TRANK1: variants seen among roughly 807,000 people sequenced by gnomAD.
The protein encoded by TRANK1 is tetratricopeptide repeat and ankyrin repeat containing 1.
In TRANK1, 198 loss-of-function variants were observed where a neutral mutation model predicts 266.0. That is an observed-to-expected ratio of 0.74 (90% CI 0.66 to 0.84). The LOEUF is 0.84. Ranked by LOEUF, TRANK1 falls within the 40% of genes least tolerant of loss-of-function variation. TRANK1 has a pLI of 0.00. For synonymous variants in TRANK1, 1,396 were observed against 1,384.1 expected, an observed-to-expected ratio of 1.01 and a Z score of -0.19; for missense variants, 3,326 against 3,634.6, an observed-to-expected ratio of 0.92 and a Z score of 2.18.
chr3:36,858,142 A>C, intron 12 of TRANK1, 93 bp from the exon 13 acceptor site: 1 of 1,088,694 alleles, frequency 9.2e-7, no homozygotes, highest in South Asian at 1.7e-5. Context: ...AGCCAGGGGC[A>C]TCTCAGAATG....
chr3:36,852,995 G>A (rs920953243), intron 13 of TRANK1, among the ~76,000 whole-genome samples: 3 of 152,094 alleles, frequency 2.0e-5, no homozygotes, highest in African/African-American at 7.2e-5. Flanking sequence ...AGTTGAGAGA[G>A]GATTACACTA....
At chr3:36,914,935 G>A (rs1049847042) in intron 1 of TRANK1, among the ~76,000 whole-genome samples, 5 of 149,156 alleles carry the variant, frequency 3.4e-5, no homozygotes, top group Admixed American at 6.7e-5. Flanking sequence ...ACCACACCAG[G>A]CCTATTTTAT....
intron 20 of TRANK1, among the ~76,000 whole-genome samples, chr3:36,835,354 CAT>C (rs2078757563): frequency 7.9e-6 from 1 of 126,902 alleles, no homozygotes; most frequent in Non-Finnish European, 1.7e-5. Context: ...AACCCTGTAA[CAT>C]AGATAATGTT....
intron 2 of TRANK1, among the ~76,000 whole-genome samples, chr3:36,904,960 T>C (rs1332752468): frequency 1.3e-5 from 2 of 151,488 alleles, no homozygotes; most frequent in Non-Finnish European, 2.9e-5. Context: ...TACTAGGGAC[T>C]GAACTTCCCC....
chr3:36,865,024 G>GTTTTTTTTTTTTTTTTTTTTTTTTTGT (rs34540496), intron 9 of TRANK1, among the ~76,000 whole-genome samples: 1 of 119,810 alleles, frequency 8.3e-6, no homozygotes, highest in Non-Finnish European at 1.7e-5. Context: ...TGTTTTTTTG[G>GTTTTTTTTTTTTTTTTTTTTTTTTTGT]TTTTTTTTTT....
Position 36,829,560 on chromosome 3 carries a change from T to A in TRANK1, c.8809+4A>T. On this transcript the variant is annotated splice_donor_region_variant and intron_variant, in intron 23 of 23. Transcript: ENST00000645898. ...TACCTGTCCCCACAATCAAGACTCC[T>A]TACCTTCCTTCTTTAAGCGGGTCTC... 6.2e-7 allele frequency: 1 copy of A among 1,613,936 alleles called. No homozygotes were observed. The highest frequency in any genetic ancestry group is 8.5e-7 in the Non-Finnish European group (1 of 1,179,830).
At chr3:36,839,367 A>G (rs4476463) in intron 18 of TRANK1, among the ~76,000 whole-genome samples, 35,576 of 152,186 alleles carry the variant, frequency 0.23, 4,871 homozygotes, top group East Asian at 0.57. Context: ...CAAAGCACAC[A>G]ATACATGGGC....
intron 8 of TRANK1, among the ~76,000 whole-genome samples, chr3:36,875,192 A>G (rs1264419862): frequency 6.6e-6 from 1 of 152,192 alleles, no homozygotes; most frequent in Non-Finnish European, 1.5e-5. Flanking sequence ...AAAGGTCCCA[A>G]ATCAGTTTAT....
At chr3:36,938,367 C>T (rs540586415) in intron 1 of TRANK1, among the ~76,000 whole-genome samples, 4 of 152,008 alleles carry the variant, frequency 2.6e-5, no homozygotes, top group East Asian at 1.9e-4. Flanking sequence ...TACAGGCGCC[C>T]GCCACCATGC....
chr3:36,927,564 G>T (rs1274230266), intron 1 of TRANK1, among the ~76,000 whole-genome samples: 1 of 152,158 alleles, frequency 6.6e-6, no homozygotes, highest in African/African-American at 2.4e-5. Context: ...GCAAGACTTT[G>T]TCTCCTGGCA....
chr3:36,907,459 AT>A (rs1212991729), intron 2 of TRANK1, among the ~76,000 whole-genome samples: 15,371 of 104,334 alleles, frequency 0.15, 833 homozygotes, highest in East Asian at 0.42. Flanking sequence ...AAATTTATTG[AT>A]TTTTTTTTTT....
At chr3:36,898,383 A>G (rs1320494084) in intron 4 of TRANK1, among the ~76,000 whole-genome samples, 19 of 151,700 alleles carry the variant, frequency 1.3e-4, no homozygotes, top group Admixed American at 1.2e-3. Flanking sequence ...TGGGAGACAG[A>G]GGTTGCAGTG....
chr3:36,885,191 A>C (rs1182264540), intron 8 of TRANK1, among the ~76,000 whole-genome samples: 3 of 152,200 alleles, frequency 2.0e-5, no homozygotes, highest in Non-Finnish European at 4.4e-5. Flanking sequence ...AATCAAGGTT[A>C]ACAAATAATC....
chr3:36,841,735 G>A (rs1282384681), intron 18 of TRANK1, among the ~76,000 whole-genome samples: 3 of 152,096 alleles, frequency 2.0e-5, no homozygotes, highest in Non-Finnish European at 2.9e-5. Flanking sequence ...CTGAGGGAAC[G>A]GAGCACTTGG....
rs144323903 is a variant in TRANK1, at chr3:36,940,499, C to CAA, written c.23+4286_23+4287dup. ...TGGGCGACAGAGCGAGAATCTGTTT[C>CAA]AAAAAAAAAAAAAAGAAGCTGCTCC... On this transcript the variant is annotated intron_variant, in intron 1 of 23. Transcript: ENST00000645898. 8.5e-3 allele frequency among the ~76,000 whole-genome samples: 1,199 copies of CAA among 141,316 alleles called. 19 individuals are homozygous for CAA. The highest frequency in any genetic ancestry group is 0.029 in the African/African-American group (1,100 of 37,912). 92.7% of individuals were successfully genotyped at this position (141,316 alleles called of 152,430 possible). A position where few individuals can be genotyped will look rare whatever the true frequency, so the allele number is the denominator to read the frequency against.
intron 1 of TRANK1, among the ~76,000 whole-genome samples, chr3:36,921,577 T>C (rs988757817): frequency 5.9e-5 from 9 of 152,134 alleles, no homozygotes; most frequent in Admixed American, 5.9e-4. Flanking sequence ...ACTCCAGGCA[T>C]CACATTAAAG....
At chr3:36,913,814 C>T (rs914401589) in intron 1 of TRANK1, among the ~76,000 whole-genome samples, 4 of 151,716 alleles carry the variant, frequency 2.6e-5, no homozygotes, top group Admixed American at 1.3e-4. Flanking sequence ...CTTGCCACCA[C>T]CCCCCTCAGC....
chr3:36,908,246 GA>G, intron 2 of TRANK1, 76 bp downstream of exon 2: 1 of 1,225,316 alleles, frequency 8.2e-7, no homozygotes, highest in Non-Finnish European at 1.0e-6. Flanking sequence ...GGAATGATAA[GA>G]AATGAAAAGA....
intron 1 of TRANK1, among the ~76,000 whole-genome samples, chr3:36,939,260 TACACACACACACAC>T (rs10623771): frequency 3.0e-4 from 42 of 139,926 alleles, no homozygotes; most frequent in South Asian, 2.6e-3. Flanking sequence ...CATTCTAACA[TACACACACACACAC>T]ACACACACAC....
Sources: gnomAD v4.1 joint callset for allele counts (sites outside exome capture counted in the v4.1 genomes callset) on GRCh38, gnomAD v4.1.1 for gene constraint, MANE v1.5 for transcripts, NCBI Gene and HGNC (gene_info 2026-07-23, HGNC 2026-07-21) for gene names.